Variants in ATP8B4 observed in about 807,000 individuals in gnomAD.
The protein encoded by ATP8B4 is ATPase phospholipid transporting 8B4 (putative), also known as probable phospholipid-transporting ATPase IM.
Under a neutral mutation model 145.6 loss-of-function variants are expected in ATP8B4, and 133 were observed. The observed-to-expected ratio is 0.91, with a 90% CI of 0.79 to 1.05. The LOEUF (loss-of-function observed/expected upper bound fraction) is 1.05. Ranked by LOEUF, ATP8B4 falls within the 50% of genes least tolerant of loss-of-function variation. ATP8B4 has a pLI of 0.00. For missense variants in ATP8B4, 1,458 were observed against 1,425.2 expected (o/e 1.02, Z -0.37); for synonymous variants, 507 against 492.9 (o/e 1.03, Z -0.38).
chr15:50,089,279 G>C (rs1278517481), intron 2 of ATP8B4, among the ~76,000 whole-genome samples: 3 of 152,004 alleles, frequency 2.0e-5, no homozygotes, highest in Admixed American at 1.3e-4. Context: ...TTGACAAATG[G>C]GATCTAATTA....
chr15:49,863,717 T>TC (rs1267410566), intron 26 of ATP8B4, among the ~76,000 whole-genome samples: 12 of 152,098 alleles, frequency 7.9e-5, no homozygotes, highest in Non-Finnish European at 1.5e-4. Context: ...CAATTAAATG[T>TC]CTCTTTGAGC....
chr15:50,010,271 T>A (rs902754139), intron 7 of ATP8B4, among the ~76,000 whole-genome samples: 1 of 152,100 alleles, frequency 6.6e-6, no homozygotes, highest in South Asian at 2.1e-4. Flanking sequence ...ATTAGACTAA[T>A]CCCTTGAATT....
intron 6 of ATP8B4, among the ~76,000 whole-genome samples, chr15:50,034,635 T>G (rs1191709059): frequency 1.3e-5 from 2 of 152,298 alleles, no homozygotes; most frequent in Non-Finnish European, 2.9e-5. Context: ...TACATTAGAT[T>G]CATCTTGGAA....
chr15:49,940,486 A>C (rs552864735), intron 14 of ATP8B4, among the ~76,000 whole-genome samples: 3 of 152,136 alleles, frequency 2.0e-5, no homozygotes, highest in Non-Finnish European at 4.4e-5. Context: ...CATACCTCAA[A>C]TCTCCGCATC....
chr15:50,003,638 G>A (rs1395123647), intron 7 of ATP8B4, among the ~76,000 whole-genome samples: 1 of 152,072 alleles, frequency 6.6e-6, no homozygotes, highest in Non-Finnish European at 1.5e-5. Context: ...AACAGCAATA[G>A]AGCTTAACAG....
intron 9 of ATP8B4, 71 bp from the exon 10 acceptor site, chr15:49,987,620 TG>T: frequency 6.8e-7 from 1 of 1,477,958 alleles, no homozygotes; most frequent in Non-Finnish European, 9.2e-7. Context: ...CCCACAGCAC[TG>T]TTTTACCACT....
chr15:50,128,738 G>A (rs760831348), intron 1 of ATP8B4, among the ~76,000 whole-genome samples: 2 of 152,206 alleles, frequency 1.3e-5, no homozygotes, highest in Non-Finnish European at 2.9e-5. Context: ...GAGTGTGTGA[G>A]TTAGTGAAAA....
chr15:49,947,124 A>G (rs900074520), intron 14 of ATP8B4, among the ~76,000 whole-genome samples: 2 of 152,178 alleles, frequency 1.3e-5, no homozygotes, highest in Admixed American at 1.3e-4. Flanking sequence ...AAACCCTTGC[A>G]CACTGAAAAT....
Position 50,044,753 on chromosome 15 carries a change from T to C in ATP8B4, c.202-61A>G, listed in dbSNP as rs185131045. 1.1e-4 allele frequency: 131 copies of C among 1,194,444 alleles called. No homozygotes were observed. In the African/African-American group the frequency reaches 1.9e-3, roughly 17 times the overall value. The allele number at this position is 1,194,444 out of a possible 1,614,324, so 74.0% of individuals were successfully genotyped here. A position where few individuals can be genotyped will look rare whatever the true frequency, so the allele number is the denominator to read the frequency against. Reference sequence around the variant, plus strand: ...AAGTTAGAAAATATATCTTCCAAACTGTGTCATTTAATTTCAAATTAATGG... The same window carrying C: ...AAGTTAGAAAATATATCTTCCAAACCGTGTCATTTAATTTCAAATTAATGG... On this transcript the variant is annotated intron_variant, in intron 4 of 27. Coordinates refer to ENST00000284509, the MANE Select transcript of ATP8B4 (RefSeq NM_024837.4).
At chr15:50,048,040 C>T (rs2051860827) in intron 3 of ATP8B4, among the ~76,000 whole-genome samples, 1 of 151,904 alleles carries the variant, frequency 6.6e-6, no homozygotes, top group Non-Finnish European at 1.5e-5. Flanking sequence ...TTTTTTTCTA[C>T]TTTTATTTTA....
At chr15:50,067,121 A>T (rs2053436981) in intron 3 of ATP8B4, among the ~76,000 whole-genome samples, 1 of 152,060 alleles carries the variant, frequency 6.6e-6, no homozygotes, top group Non-Finnish European at 1.5e-5. Context: ...TCACTGCTTA[A>T]CAAGCCTCAC....
chr15:50,079,038 CAAT>C (rs893374644), intron 2 of ATP8B4, among the ~76,000 whole-genome samples: 63 of 151,980 alleles, frequency 4.1e-4, no homozygotes, highest in Non-Finnish European at 5.0e-4. Context: ...TGACTATAGT[CAAT>C]AATAACTTAA....
At position 49,996,731 on chromosome 15, in the gene ATP8B4, G is replaced by C. The variant is rs1664251809; in HGVS notation, c.535C>G (p.Leu179Val). Residue 179 changes from leucine to valine, a missense_variant, in exon 9 of 28, where the codon CTA (leucine) becomes GTA (valine). Transcript: ENST00000284509. ...GETNLKVRHA[L>V]SVTSELGADI... ...GCTCCAAGTTCTGAAGTAACTGATA[G>C]TGCATGGCGGACTTTTAGGTTCGTT... 1.9e-6 allele frequency: 3 copies of C among 1,610,590 alleles called. No individual in the cohort carries two copies. Among genetic ancestry groups the C allele is most frequent in the Non-Finnish European group, 2.5e-6 (3 of 1,177,582 alleles).
At position 49,923,526 on chromosome 15, in the gene ATP8B4, A is replaced by G. The variant is rs768407805; in HGVS notation, c.1643-32T>C. 21 of 1,426,470 alleles carry G rather than the reference A, an allele frequency of 1.5e-5. No individual in the cohort carries two copies. The African/African-American group carries it at 2.6e-4, about 18-fold the overall frequency. The allele number at this position is 1,426,470 out of a possible 1,614,324, so 88.4% of individuals were successfully genotyped here. The stretch of plus-strand genomic sequence containing the variant: ...AGAAAAAAGTTTGGAAAAGCAGAAT[A>G]TAATCAACGTCATACATCAAAATTA... On this transcript the variant is annotated intron_variant, in intron 16 of 27. Transcript: ENST00000284509.
intron 6 of ATP8B4, among the ~76,000 whole-genome samples, chr15:50,037,383 G>C (rs1217402050): frequency 6.6e-6 from 1 of 152,114 alleles, no homozygotes; most frequent in East Asian, 1.9e-4. Context: ...GTCTTATAAA[G>C]AGCCTTTTAA....
chr15:49,914,030 A>G (rs1056328044), intron 20 of ATP8B4, among the ~76,000 whole-genome samples: 1 of 152,224 alleles, frequency 6.6e-6, no homozygotes, highest in Non-Finnish European at 1.5e-5. Context: ...AGCAATCCTG[A>G]CCAAAAAGAA....
At chr15:49,927,793 T>C (rs2153461802) in intron 16 of ATP8B4, among the ~76,000 whole-genome samples, 1 of 152,230 alleles carries the variant, frequency 6.6e-6, no homozygotes, top group Middle Eastern at 3.4e-3. Flanking sequence ...CTCCTGCTGA[T>C]ACAACATTAA....
At chr15:50,038,931 T>C in intron 5 of ATP8B4, 102 bp from the exon 6 acceptor site, 9 of 999,600 alleles carry the variant, frequency 9.0e-6, no homozygotes, top group Non-Finnish European at 1.4e-5. Context: ...TAAACTGTGT[T>C]GTCACTGGTC....
At chr15:50,010,650 T>C (rs569044930) in intron 7 of ATP8B4, among the ~76,000 whole-genome samples, 195 bp downstream of exon 7, 16 of 152,246 alleles carry the variant, frequency 1.1e-4, no homozygotes, top group African/African-American at 3.8e-4. Context: ...TTCAACCTTA[T>C]GTGAGTTGCC....
Sources: allele counts gnomAD v4.1 joint callset (sites outside exome capture counted in the v4.1 genomes callset), GRCh38; gene constraint gnomAD v4.1.1; transcripts MANE v1.5; gene names NCBI Gene and HGNC (gene_info 2026-07-23, HGNC 2026-07-21).